The following SAMD5 variants were observed in gnomAD, a reference collection of about 807,000 sequenced individuals.
The protein encoded by SAMD5 is sterile alpha motif domain-containing protein 5.
SAMD5 carries 13 observed loss-of-function variants against 11.3 expected under a neutral mutation model. That is an observed-to-expected ratio of 1.15 (90% confidence interval 0.75 to 1.83). The LOEUF (loss-of-function observed/expected upper bound fraction) is 1.83. Among genes scored for constraint, SAMD5 ranks in the 40% most tolerant of loss-of-function variants. The pLI is 0.00. For synonymous variants in SAMD5, 129 were observed against 111.3 expected (o/e 1.16, Z -1.00); for missense variants, 255 against 239.1 (o/e 1.07, Z -0.44).
At chr6:147,944,495 C>A in the SAMD5 span, among the ~76,000 whole-genome samples, 13 of 152,248 alleles carry the variant, frequency 8.5e-5, no homozygotes, top group African/African-American at 3.1e-4. Context: ...GATTCAATTA[C>A]CTCCCACCGG....
chr6:147,588,745 G>A (rs1394339528), intron 1 of SAMD5, among the ~76,000 whole-genome samples: 4 of 152,024 alleles, frequency 2.6e-5, no homozygotes, highest in Non-Finnish European at 4.4e-5. Flanking sequence ...TTATCAAGAC[G>A]TTATACCAGG....
chr6:147,795,249 T>G, the SAMD5 span, among the ~76,000 whole-genome samples: 1 of 134,368 alleles, frequency 7.4e-6, no homozygotes, highest in African/African-American at 2.8e-5. Flanking sequence ...CAGAGTGTGA[T>G]GTTCCCCTTC....
the SAMD5 span, among the ~76,000 whole-genome samples, chr6:147,781,657 A>G: frequency 6.6e-6 from 1 of 152,084 alleles, no homozygotes; most frequent in Non-Finnish European, 1.5e-5. Context: ...AGGGGTAATA[A>G]CAGAAGCACC....
chr6:147,659,865 TCTC>T (rs1790623079), intron 1 of SAMD5, among the ~76,000 whole-genome samples: 1 of 152,054 alleles, frequency 6.6e-6, no homozygotes, highest in African/African-American at 2.4e-5. Context: ...CTATGGCAAA[TCTC>T]CTGTAGGTCA....
chr6:147,905,046 G>A, the SAMD5 span, among the ~76,000 whole-genome samples: 1 of 151,852 alleles, frequency 6.6e-6, no homozygotes, highest in Non-Finnish European at 1.5e-5. Context: ...GCGCCACCAC[G>A]CCCAGCTAAT....
At chr6:147,689,002 A>G (rs1223426550) in intron 1 of SAMD5, among the ~76,000 whole-genome samples, 1 of 152,212 alleles carries the variant, frequency 6.6e-6, no homozygotes, top group Non-Finnish European at 1.5e-5. Context: ...TTTTCAATGT[A>G]TTAAGTAGTG....
At chr6:147,913,031 A>T in the SAMD5 span, among the ~76,000 whole-genome samples, 1 of 152,152 alleles carries the variant, frequency 6.6e-6, no homozygotes, top group South Asian at 2.1e-4. Flanking sequence ...CAGTTTTCAC[A>T]TTAGGAAGCA....
intron 1 of SAMD5, among the ~76,000 whole-genome samples, chr6:147,723,524 C>G (rs1225075640): frequency 6.6e-6 from 1 of 152,194 alleles, no homozygotes; most frequent in African/African-American, 2.4e-5. Context: ...CCAGTTACCT[C>G]CTGCATGGTT....
At chr6:147,515,477 C>A (rs1297213242) in intron 1 of SAMD5, among the ~76,000 whole-genome samples, 1 of 151,304 alleles carries the variant, frequency 6.6e-6, no homozygotes, top group Non-Finnish European at 1.5e-5. Context: ...TCCATCCATT[C>A]ATTTATTCAT....
intron 1 of SAMD5, among the ~76,000 whole-genome samples, chr6:147,692,147 C>T (rs1791113296): frequency 6.6e-6 from 1 of 151,284 alleles, no homozygotes; most frequent in Admixed American, 6.6e-5. Context: ...ACTTTCCATA[C>T]TATAGAGCCA....
chr6:147,949,221 T>C, the SAMD5 span, among the ~76,000 whole-genome samples: 1 of 152,186 alleles, frequency 6.6e-6, no homozygotes, highest in Non-Finnish European at 1.5e-5. Flanking sequence ...AATATAGTGG[T>C]GCAGGTTTGA....
chr6:147,542,853 G>C (rs1355548114), intron 1 of SAMD5, among the ~76,000 whole-genome samples: 1 of 152,124 alleles, frequency 6.6e-6, no homozygotes, highest in African/African-American at 2.4e-5. Context: ...CTTGGGAAAG[G>C]GCTGTTACTG....
the SAMD5 span, among the ~76,000 whole-genome samples, chr6:147,827,562 C>T: frequency 6.6e-6 from 1 of 152,070 alleles, no homozygotes; most frequent in Non-Finnish European, 1.5e-5. Flanking sequence ...TAGTGGAGCC[C>T]GAGCCAAGAT....
intron 1 of SAMD5, among the ~76,000 whole-genome samples, chr6:147,612,397 G>C (rs1789800979): frequency 6.6e-6 from 1 of 151,974 alleles, no homozygotes; most frequent in African/African-American, 2.4e-5. Flanking sequence ...TTTTCAATAA[G>C]ACTTTTAAAT....
the SAMD5 span, among the ~76,000 whole-genome samples, chr6:147,862,763 C>G: frequency 3.9e-5 from 6 of 152,148 alleles, no homozygotes; most frequent in Non-Finnish European, 8.8e-5. Flanking sequence ...ACTCCCTATT[C>G]TTGTCACTTC....
chr6:147,666,063 C>T (rs1023589704), intron 1 of SAMD5, among the ~76,000 whole-genome samples: 1 of 152,076 alleles, frequency 6.6e-6, no homozygotes, highest in African/African-American at 2.4e-5. Context: ...CTCGGCCTCC[C>T]GAGTAGCTGG....
chr6:147,728,696 C>T (rs1471796510), intron 1 of SAMD5, among the ~76,000 whole-genome samples: 1 of 152,140 alleles, frequency 6.6e-6, no homozygotes, highest in Non-Finnish European at 1.5e-5. Flanking sequence ...AGACTTAACA[C>T]ATCAAATTTT....
In SAMD5 at chr6:147,734,711, T is replaced by TAAAAAAAAAAAA. The variant is rs61482319; in HGVS notation, c.163-2586_163-2575dup. 3.6e-3 allele frequency among the ~76,000 whole-genome samples: 94 copies of TAAAAAAAAAAAA among 26,108 alleles called. 8 individuals are homozygous for TAAAAAAAAAAAA. Among genetic ancestry groups the TAAAAAAAAAAAA allele is most frequent in the East Asian group, 0.021 (19 of 916 alleles). The allele number at this position is 26,108 out of a possible 152,430, so 17.1% of individuals were successfully genotyped here. A position where few individuals can be genotyped will look rare whatever the true frequency, so the allele number is the denominator to read the frequency against. The stretch of plus-strand genomic sequence containing the variant: ...CTGGGCGGCAGAGCGAGACTCCATC[T>TAAAAAAAAAAAA]AAAAAAAAAAAAAAAAAAAAAAAAA... On this transcript the variant is annotated intron_variant, in intron 1 of 1. Coordinates refer to the SAMD5 transcript ENST00000566741.
intron 1 of SAMD5, among the ~76,000 whole-genome samples, chr6:147,646,022 CTATG>C (rs1399761935): frequency 0.043 from 470 of 10,982 alleles, 3 homozygotes; most frequent in African/African-American, 0.22. Flanking sequence ...ATGTATCTAT[CTATG>C]TATCTATCTA....
Sources: gnomAD v4.1 joint callset for allele counts (sites outside exome capture counted in the v4.1 genomes callset) on GRCh38, gnomAD v4.1.1 for gene constraint, MANE v1.5 for transcripts, NCBI Gene and HGNC (gene_info 2026-07-23, HGNC 2026-07-21) for gene names.